Variants in KIF13A observed in about 807,000 individuals in gnomAD.
KIF13A encodes kinesin family member 13A.
KIF13A carries 79 observed loss-of-function variants against 212.2 expected under a neutral mutation model. The ratio of observed to expected loss-of-function variants is 0.37; its 90% CI spans 0.31 to 0.45. The LOEUF (loss-of-function observed/expected upper bound fraction) is 0.45, where lower values mean the gene tolerates loss of function less well. Ranked by LOEUF, KIF13A falls within the 20% of genes least tolerant of loss-of-function variation. The probability of loss-of-function intolerance (pLI) is 1.00; values close to 1 mark genes in which losing one functional copy is unlikely to be tolerated. For synonymous variants in KIF13A, 789 were observed against 808.6 expected, an observed-to-expected ratio of 0.98 and a Z score of 0.41; for missense variants, 1,901 against 2,209.0, an observed-to-expected ratio of 0.86 and a Z score of 2.79.
downstream of KIF13A, among the ~76,000 whole-genome samples, chr6:17,761,964 AG>A (rs1041782606): frequency 2.0e-5 from 3 of 152,152 alleles, no homozygotes; most frequent in African/African-American, 7.2e-5. Context: ...GGAGGAAGGA[AG>A]GGTTTGTGAA....
Position 17,825,530 on chromosome 6 carries a change from T to C in KIF13A, c.1786+238A>G, listed in dbSNP as rs1228171381. ...CCGTGGAAATGTCACCACAATTCGC[T>C]TGGGAATAAGAGGTCTCAAAAACGG... On this transcript the variant is annotated intron_variant, in intron 16 of 38. Coordinates refer to ENST00000259711, the MANE Select transcript of KIF13A (RefSeq NM_022113.6). The surrounding 1 kb of genome is among the most constrained non-coding windows in gnomAD (Gnocchi z 4.5). 3.3e-5 allele frequency among the ~76,000 whole-genome samples: 5 copies of C among 152,168 alleles called. No homozygotes were observed. Among genetic ancestry groups the C allele is most frequent in the African/African-American group, 9.7e-5 (4 of 41,422 alleles).
At chr6:17,791,443 G>C (rs1014647466) in intron 25 of KIF13A, among the ~76,000 whole-genome samples, 1 of 149,952 alleles carries the variant, frequency 6.7e-6, no homozygotes, top group African/African-American at 2.5e-5. Flanking sequence ...GACGTGACCT[G>C]GAACATGGCA....
At chr6:17,841,944 T>TACAC (rs201316800) in intron 9 of KIF13A, among the ~76,000 whole-genome samples, 77 of 151,788 alleles carry the variant, frequency 5.1e-4, no homozygotes, top group East Asian at 2.1e-3. Flanking sequence ...TTTGTGTGTC[T>TACAC]ACATACACAC....
rs1762312468 is a variant in KIF13A, at chr6:17,799,556, A to G, written c.2617-117T>C. The G allele has an allele frequency of 3.8e-6, 3 of 799,890 alleles. No individual in the cohort carries two copies. Among genetic ancestry groups the G allele is most frequent in the Non-Finnish European group, 5.8e-6 (3 of 519,010 alleles). The allele number at this position is 799,890 out of a possible 1,614,324, so 49.5% of individuals were successfully genotyped here. A position where few individuals can be genotyped will look rare whatever the true frequency, so the allele number is the denominator to read the frequency against. ...AAATTGGTCATCCATTTGACATGTG[A>G]AAATATTATATCTGACACCGTGACA... On this transcript the variant is annotated intron_variant, in intron 21 of 38. Transcript: ENST00000259711. The surrounding 1 kb of genome is among the most constrained non-coding windows in gnomAD (Gnocchi z 4.4).
intron 4 of KIF13A, among the ~76,000 whole-genome samples, chr6:17,863,303 G>A (rs920871343): frequency 6.6e-6 from 1 of 151,836 alleles, no homozygotes; most frequent in African/African-American, 2.4e-5. Context: ...ATGATGAGAT[G>A]AAGGAACAGT....
chr6:17,977,616 G>C (rs889607736), intron 2 of KIF13A, among the ~76,000 whole-genome samples: 1 of 152,158 alleles, frequency 6.6e-6, no homozygotes, highest in Non-Finnish European at 1.5e-5. Context: ...AAACACAATT[G>C]CAACAGCAAA....
chr6:17,851,951 T>C lies in KIF13A; in HGVS notation c.582+4A>G. ...TTAATCACATTTTAAAAAAAATGAC[T>C]TACCTCAAAACTAGTGACAGCTAGT... On this transcript the variant is annotated splice_donor_region_variant and intron_variant, in intron 7 of 38. Transcript: ENST00000259711. 6.8e-7 allele frequency: 1 copy of C among 1,470,772 alleles called. No homozygotes were observed. Among genetic ancestry groups the C allele is most frequent in the South Asian group, 1.4e-5 (1 of 71,644 alleles). 91.1% of individuals were successfully genotyped at this position (1,470,772 alleles called of 1,614,324 possible). A position where few individuals can be genotyped will look rare whatever the true frequency, so the allele number is the denominator to read the frequency against.
At position 17,912,404 on chromosome 6, in the gene KIF13A, C is replaced by G. The variant is rs980847883; in HGVS notation, c.147-14224G>C. ...CCCAAACTGGGAGTGATCTTGATAA[C>G]AGCATCAGCCTGCCTGACCTTCCGT... On this transcript the variant is annotated intron_variant, in intron 2 of 38. Transcript: ENST00000259711. This position sits in a 1 kb window ranked among gnomAD's most constrained non-coding sequence, Gnocchi z 4.2. 2.6e-5 allele frequency among the ~76,000 whole-genome samples: 4 copies of G among 152,204 alleles called. No homozygotes were observed. In the East Asian group the frequency reaches 5.8e-4, roughly 22 times the overall value.
rs185781291 is a variant in KIF13A, at chr6:17,793,886, C to A, written c.3222+363G>T. On this transcript the variant is annotated intron_variant, in intron 25 of 38. Transcript: ENST00000259711. ...CCATGATCACACCACTGTACTCCAA[C>A]CTGGCAACAAAGCAAAACCCTATCT... Among the ~76,000 whole-genome samples, 375 of 152,012 alleles carry A rather than the reference C, an allele frequency of 2.5e-3. 2 individuals carry two copies. Among genetic ancestry groups the A allele is most frequent in the African/African-American group, 8.7e-3 (362 of 41,458 alleles).
chr6:17,845,365 T>G (rs1197442597), intron 9 of KIF13A, among the ~76,000 whole-genome samples: 1 of 152,214 alleles, frequency 6.6e-6, no homozygotes, highest in East Asian at 1.9e-4. Context: ...CAAGTTACTC[T>G]ATTATAACAA....
chr6:17,863,357 T>C (rs1044632739), intron 4 of KIF13A, among the ~76,000 whole-genome samples: 1 of 149,968 alleles, frequency 6.7e-6, no homozygotes, highest in East Asian at 1.9e-4. Flanking sequence ...TTGTCTATTA[T>C]AAGAAAAATA....
chr6:17,775,847 A>G (rs1034325198), intron 34 of KIF13A, among the ~76,000 whole-genome samples: 3 of 151,904 alleles, frequency 2.0e-5, no homozygotes, highest in African/African-American at 7.3e-5. Flanking sequence ...GTTGAAAAAA[A>G]TATTTTTTTT....
Position 17,971,265 on chromosome 6 carries a change from T to C in KIF13A, c.146+15789A>G, listed in dbSNP as rs1481131690. Among the ~76,000 whole-genome samples the C allele has an allele frequency of 6.6e-6, 1 of 152,166 alleles. No homozygotes were observed. The highest frequency in any genetic ancestry group is 1.5e-5 in the Non-Finnish European group (1 of 68,026). Reference sequence around the variant, plus strand: ...CAGAGTTCACATAGCTATGGTGGTATTTCCATCAATTTCCAGGAAAAGAGA... The same window carrying C: ...CAGAGTTCACATAGCTATGGTGGTACTTCCATCAATTTCCAGGAAAAGAGA... On this transcript the variant is annotated intron_variant, in intron 2 of 38. Coordinates refer to ENST00000259711, the MANE Select transcript of KIF13A (RefSeq NM_022113.6). This position sits in a 1 kb window ranked among gnomAD's most constrained non-coding sequence, Gnocchi z 4.2.
rs1761312185 is a variant in KIF13A at position 17,789,016 on chromosome 6, C to A, written c.3261+856G>T. On this transcript the variant is annotated intron_variant, in intron 26 of 38. Coordinates refer to ENST00000259711, the MANE Select transcript of KIF13A (RefSeq NM_022113.6). This position sits in a 1 kb window ranked among gnomAD's most constrained non-coding sequence, Gnocchi z 4.8. Reference sequence around the variant, plus strand: ...GGGATTACAGGCGTGAGCCACCACGCCCAGCCACTGTACCCACATTTTACA... The same window carrying A: ...GGGATTACAGGCGTGAGCCACCACGACCAGCCACTGTACCCACATTTTACA... 6.6e-6 allele frequency among the ~76,000 whole-genome samples: 1 copy of A among 152,200 alleles called. No individual in the cohort carries two copies. The highest frequency in any genetic ancestry group is 2.1e-4 in the South Asian group (1 of 4,830).
Position 17,771,205 on chromosome 6 carries a change from G to C in KIF13A, c.4490C>G (p.Pro1497Arg), listed in dbSNP as rs751824702. 1.2e-6 allele frequency: 2 copies of C among 1,611,688 alleles called. No homozygotes were observed. Among genetic ancestry groups the C allele is most frequent in the Admixed American group, 1.7e-5 (1 of 59,730 alleles). Reference protein sequence around the residue: ...PLLSQESMPPPQAHNPGCIVP... With the variant: ...PLLSQESMPPRQAHNPGCIVP... ...AATGCAGCCAGGGTTATGTGCCTGA[G>C]GTGGAGGCATGCTCTGCAAAGGTTA... is the stretch of plus-strand genomic sequence containing the variant. Residue 1497 changes from proline (P) to arginine (R), a missense_variant, in exon 38 of 39, where the codon CCT becomes CGT. Pro to Arg is a moderately radical substitution (Grantham distance 103). Coordinates refer to ENST00000259711, the MANE Select transcript of KIF13A (RefSeq NM_022113.6). The surrounding 1 kb of genome is among the most constrained non-coding windows in gnomAD (Gnocchi z 5.4).
Position 17,772,073 on chromosome 6 carries a change from GAA to G in KIF13A, c.4325-16_4325-15del. ...CTGATGTACAACCTAGGGAAGATGAGAAGTTATGAGGTTACAGATGCTGAACA... is the reference window on the plus strand; with the variant it reads ...CTGATGTACAACCTAGGGAAGATGAGGTTATGAGGTTACAGATGCTGAACA... On this transcript the variant is annotated splice_polypyrimidine_tract_variant and intron_variant, in intron 36 of 38. Transcript: ENST00000259711. The surrounding 1 kb of genome is among the most constrained non-coding windows in gnomAD (Gnocchi z 4.8). 6.2e-7 allele frequency: 1 copy of G among 1,613,340 alleles called. No individual in the cohort carries two copies. Among genetic ancestry groups the G allele is most frequent in the Non-Finnish European group, 8.5e-7 (1 of 1,179,422 alleles).
At chr6:17,832,656 TA>T (rs1327332190) in intron 12 of KIF13A, among the ~76,000 whole-genome samples, 1 of 149,458 alleles carries the variant, frequency 6.7e-6, no homozygotes, top group Non-Finnish European at 1.5e-5. Context: ...ATTAAATAAA[TA>T]AAAATAAAAT....
At chr6:17,760,501 C>A, downstream of KIF13A, 1 of 251,826 alleles carries the variant, frequency 4.0e-6, no homozygotes, top group Non-Finnish European at 7.5e-6. Flanking sequence ...ACAGTAAGAA[C>A]TGATTAAAAT....
rs925787689 is a variant in KIF13A, at chr6:17,926,763, C to T, written c.147-28583G>A. Among the ~76,000 whole-genome samples, 28 of 152,152 alleles carry T rather than the reference C, an allele frequency of 1.8e-4. No homozygotes were observed. The highest frequency in any genetic ancestry group is 1.8e-3 in the Admixed American group (27 of 15,268). ...TAGGATATATTCAGATGATAAACAA[C>T]TTGTAGCTACTATCTGAAAGTAGTT... On this transcript the variant is annotated intron_variant, in intron 2 of 38. Coordinates refer to ENST00000259711, the MANE Select transcript of KIF13A (RefSeq NM_022113.6). The surrounding 1 kb of genome is among the most constrained non-coding windows in gnomAD (Gnocchi z 4.3).
Sources: allele counts gnomAD v4.1 joint callset (sites outside exome capture counted in the v4.1 genomes callset), GRCh38; gene constraint gnomAD v4.1.1; non-coding constraint Gnocchi (gnomAD v3.1); transcripts MANE v1.5; gene names NCBI Gene and HGNC (gene_info 2026-07-23, HGNC 2026-07-21).